The following DNAH17 variants were observed in gnomAD, a reference collection of about 807,000 sequenced individuals.
The protein encoded by DNAH17 is dynein axonemal heavy chain 17.
In DNAH17, 376 loss-of-function variants were observed where a neutral mutation model predicts 485.6. The observed-to-expected ratio is 0.77, with a 90% CI of 0.71 to 0.84. The LOEUF (loss-of-function observed/expected upper bound fraction) is 0.84, where lower values mean the gene tolerates loss of function less well. Ranked by LOEUF, DNAH17 falls within the 40% of genes least tolerant of loss-of-function variation. The probability of loss-of-function intolerance (pLI) is 0.00; values close to 1 mark genes in which losing one functional copy is unlikely to be tolerated. For synonymous variants in DNAH17, 3,031 were observed against 2,405.9 expected (o/e 1.26, Z -7.60); for missense variants, 6,370 against 5,839.3 (o/e 1.09, Z -2.96).
intron 9 of DNAH17, among the ~76,000 whole-genome samples, chr17:78,568,280 A>G (rs1362483524): frequency 6.6e-6 from 1 of 152,112 alleles, no homozygotes; most frequent in African/African-American, 2.4e-5. Flanking sequence ...GATTTCAGGC[A>G]TTAGTCCGCG....
In DNAH17 at chr17:78,543,910, T is replaced by C. The variant is rs756931296; in HGVS notation, c.2479A>G (p.Lys827Glu). 1 of 1,614,052 alleles carries C rather than the reference T, an allele frequency of 6.2e-7. No individual in the cohort carries two copies. Among genetic ancestry groups the C allele is most frequent in the South Asian group, 1.1e-5 (1 of 91,082 alleles). ...GCATCCCTGACTGCTGCGTAGCGCT[T>C]GTTGAGGTTGGCAATTCTTCCATCC... ...DLDGRIANLN[K>E]RYAAVRDAGV... Residue 827 changes from lysine (K) to glutamate (E), a missense_variant, in exon 17 of 81, where the codon AAG (lysine) becomes GAG (glutamate). Coordinates refer to ENST00000389840, the MANE Select transcript of DNAH17 (RefSeq NM_173628.4).
Position 78,510,387 on chromosome 17 carries a change from T to C in DNAH17, c.4233A>G (p.Glu1411=). 1.2e-6 allele frequency: 2 copies of C among 1,612,364 alleles called. No individual in the cohort carries two copies. Among genetic ancestry groups the C allele is most frequent in the Non-Finnish European group, 1.7e-6 (2 of 1,179,458 alleles). Residue 1411 remains glutamate, a synonymous_variant, in exon 27 of 81, where the codon GAA becomes GAG. Coordinates refer to ENST00000389840, the MANE Select transcript of DNAH17 (RefSeq NM_173628.4). ...CAGCACCGCCAGCACGGCCTACCTT[T>C]TCCATGCCCGACTCCTTCACGGCCT... ...VDKAVKESGM[E]KVLKALDSTW...
intron 78 of DNAH17, 102 bp downstream of exon 78, chr17:78,426,818 TACCATG>T: frequency 7.3e-7 from 1 of 1,378,060 alleles, no homozygotes; most frequent in Non-Finnish European, 1.0e-6. Context: ...GAGGGAGCAG[TACCATG>T]CTGATCCGGG....
intron 35 of DNAH17, chr17:78,500,700 G>A (rs1485215511): frequency 6.3e-6 from 2 of 316,638 alleles, no homozygotes; most frequent in African/African-American, 2.2e-5. Flanking sequence ...GTAGAGATGA[G>A]GTTTTGCTAT....
At chr17:78,485,307 T>TTGTCTTAGATTG in intron 47 of DNAH17, 1 of 612,586 alleles carries the variant, frequency 1.6e-6, no homozygotes, top group Non-Finnish European at 2.8e-6. Flanking sequence ...CCGGGGGACC[T>TTGTCTTAGATTG]GCTGCCTCGA....
At chr17:78,471,720 C>G (rs1232875149) in intron 54 of DNAH17, among the ~76,000 whole-genome samples, 1 of 152,086 alleles carries the variant, frequency 6.6e-6, no homozygotes, top group Non-Finnish European at 1.5e-5. Flanking sequence ...CCACACTGTC[C>G]CATATGGAGT....
intron 54 of DNAH17, among the ~76,000 whole-genome samples, chr17:78,470,352 G>A (rs894013085): frequency 4.7e-5 from 7 of 149,888 alleles, no homozygotes; most frequent in Non-Finnish European, 1.0e-4. Flanking sequence ...ACAGGCATGA[G>A]CCACCGTGCC....
chr17:78,451,782 A>C, intron 65 of DNAH17, 109 bp from the exon 66 acceptor site: 9 of 895,540 alleles, frequency 1.0e-5, no homozygotes, highest in South Asian at 1.8e-5. Flanking sequence ...GCCACCTTGA[A>C]CCCTCCCTTC....
chr17:78,567,512 G>A (rs952492788), intron 9 of DNAH17, among the ~76,000 whole-genome samples: 3 of 152,094 alleles, frequency 2.0e-5, no homozygotes, highest in Non-Finnish European at 2.9e-5. Context: ...CGTTTTCTCC[G>A]CTGTGGGAAG....
intron 35 of DNAH17, 120 bp downstream of exon 35, chr17:78,501,064 C>G: frequency 8.3e-7 from 1 of 1,209,042 alleles, no homozygotes; most frequent in Non-Finnish European, 1.1e-6. Flanking sequence ...ACAGGTCCAC[C>G]TGACGCAAAT....
chr17:78,444,581 C>A (rs2087202410), intron 71 of DNAH17, 23 bp downstream of exon 71: 1 of 1,532,690 alleles, frequency 6.5e-7, no homozygotes, highest in Non-Finnish European at 8.8e-7. Context: ...GGGGCGGGGC[C>A]CCCGGCGCGG....
intron 18 of DNAH17, among the ~76,000 whole-genome samples, chr17:78,537,753 C>T (rs1218709887): frequency 6.6e-6 from 1 of 152,256 alleles, no homozygotes; most frequent in African/African-American, 2.4e-5. Flanking sequence ...TCAAAGCCCA[C>T]ACCTGCTACT....
At chr17:78,562,888 C>T (rs72920959) in intron 11 of DNAH17, among the ~76,000 whole-genome samples, 33 of 152,270 alleles carry the variant, frequency 2.2e-4, no homozygotes, top group Non-Finnish European at 2.9e-4. Context: ...CAACCTCACA[C>T]GAAACAGGGT....
At position 78,560,951 on chromosome 17, in the gene DNAH17, GA is replaced by G; in HGVS notation, c.1836-17del. On this transcript the variant is annotated splice_polypyrimidine_tract_variant and intron_variant, in intron 12 of 80. Transcript: ENST00000389840. Reference sequence around the variant, plus strand: ...AGACATGACCCTGGAATCAGAGCGGGAAGGCGAGGCCCCACTGGATATCTCC... The same window carrying G: ...AGACATGACCCTGGAATCAGAGCGGGAGGCGAGGCCCCACTGGATATCTCC... 1 of 1,542,892 alleles carries G rather than the reference GA, an allele frequency of 6.5e-7. No homozygotes were observed. Among genetic ancestry groups the G allele is most frequent in the South Asian group, 1.2e-5 (1 of 83,996 alleles).
At chr17:78,473,966 T>A (rs537059426) in intron 54 of DNAH17, among the ~76,000 whole-genome samples, 1 of 151,768 alleles carries the variant, frequency 6.6e-6, no homozygotes, top group African/African-American at 2.4e-5. Context: ...TGTTCAGGAG[T>A]GCCCATCTGA....
At chr17:78,574,624 G>T in intron 2 of DNAH17, 89 bp downstream of exon 2, 1 of 1,179,626 alleles carries the variant, frequency 8.5e-7, no homozygotes. Flanking sequence ...TGCTGGCCCA[G>T]GGACTCCAGG....
rs535032018 is a variant in DNAH17, at chr17:78,450,565, C to T, written c.10899+117G>A. The stretch of plus-strand genomic sequence containing the variant: ...CCCCTTCTCCTGCCCTGGGCCCACT[C>T]GGGCACGTATGACCGAAGCTGCTTT... On this transcript the variant is annotated intron_variant, in intron 67 of 80. Transcript: ENST00000389840. 216 of 1,433,618 alleles carry T rather than the reference C, an allele frequency of 1.5e-4. 1 individual carries two copies. In the Admixed American group the frequency reaches 1.6e-3, roughly 11 times the overall value. 88.8% of individuals were successfully genotyped at this position (1,433,618 alleles called of 1,614,324 possible).
At chr17:78,573,022 A>G in intron 2 of DNAH17, 128 bp from the exon 3 acceptor site, 1 of 760,862 alleles carries the variant, frequency 1.3e-6, no homozygotes. Context: ...GGTCCCGCAC[A>G]GAGCCAGGTC....
chr17:78,432,757 G>A (rs1197526035), intron 75 of DNAH17, among the ~76,000 whole-genome samples: 1 of 152,192 alleles, frequency 6.6e-6, no homozygotes, highest in African/African-American at 2.4e-5. Flanking sequence ...AAAAGGAGGG[G>A]GTTCCTGAGA....
Sources: allele counts gnomAD v4.1 joint callset (sites outside exome capture counted in the v4.1 genomes callset), GRCh38; gene constraint gnomAD v4.1.1; transcripts MANE v1.5; gene names NCBI Gene and HGNC (gene_info 2026-07-23, HGNC 2026-07-21).